The following VKORC1L1 variants were observed in gnomAD, a reference collection of about 807,000 sequenced individuals.
The protein encoded by VKORC1L1 is vitamin K epoxide reductase complex subunit 1-like protein 1.
Under a neutral mutation model 18.9 loss-of-function variants are expected in VKORC1L1, and 2 were observed. The ratio of observed to expected loss-of-function variants is 0.11; its 90% confidence interval spans 0.04 to 0.33. The LOEUF (loss-of-function observed/expected upper bound fraction) is 0.33. Ranked by LOEUF, VKORC1L1 falls within the 10% of genes least tolerant of loss-of-function variation. VKORC1L1 has a pLI of 1.00. For missense variants in VKORC1L1, 123 were observed against 224.1 expected (o/e 0.55, Z 2.88); for synonymous variants, 96 against 100.0 (o/e 0.96, Z 0.24).
At position 65,921,468 on chromosome 7, in the gene VKORC1L1, C is replaced by T. The variant is rs375841782; in HGVS notation, c.195-27203C>T. 5.3e-4 allele frequency among the ~76,000 whole-genome samples: 80 copies of T among 152,294 alleles called. 1 individual carries two copies. The highest frequency in any genetic ancestry group is 1.9e-3 in the African/African-American group (80 of 41,562). Reference sequence around the variant, plus strand: ...TGGCGAGATCATAGCTCACTGCAGCCTTGAACTCCTGGCCTCAAGCAATCT... The same window carrying T: ...TGGCGAGATCATAGCTCACTGCAGCTTTGAACTCCTGGCCTCAAGCAATCT... On this transcript the variant is annotated intron_variant, in intron 1 of 2. Coordinates refer to ENST00000360768, the MANE Select transcript of VKORC1L1 (RefSeq NM_173517.6).
In VKORC1L1 at chr7:65,948,780, GGTAA is replaced by G. The variant is rs1487794830; in HGVS notation, c.304+4_304+7del. 2 of 757,002 alleles carry G rather than the reference GGTAA, an allele frequency of 2.6e-6. No homozygotes were observed. Among genetic ancestry groups the G allele is most frequent in the Admixed American group, 3.0e-5 (1 of 33,404 alleles). The allele number at this position is 757,002 out of a possible 1,614,324, so 46.9% of individuals were successfully genotyped here. ...ATTTTATATACTACAGTTATTACTTGGTAAGTATTTATCAATACAAAAATAAGTT... is the reference window on the plus strand; with the variant it reads ...ATTTTATATACTACAGTTATTACTTGGTATTTATCAATACAAAAATAAGTT... On this transcript the variant is annotated splice_donor_variant and splice_donor_region_variant and intron_variant, in intron 2 of 2. Transcript: ENST00000360768. LOFTEE classifies it high-confidence loss of function.
At chr7:65,944,223 C>T (rs1248879048) in intron 1 of VKORC1L1, among the ~76,000 whole-genome samples, 3 of 151,968 alleles carry the variant, frequency 2.0e-5, no homozygotes, top group African/African-American at 7.2e-5. Flanking sequence ...AAAAAATTAG[C>T]CCTGCGTGGT....
chr7:65,870,730 G>A (rs1029158631), upstream of VKORC1L1, among the ~76,000 whole-genome samples: 1 of 152,176 alleles, frequency 6.6e-6, no homozygotes, highest in African/African-American at 2.4e-5. Flanking sequence ...GAAGTTGCAG[G>A]AGTCTACTTA....
chr7:65,909,972 TC>T (rs1789476600), intron 1 of VKORC1L1, among the ~76,000 whole-genome samples: 1 of 152,098 alleles, frequency 6.6e-6, no homozygotes, highest in Non-Finnish European at 1.5e-5. Context: ...CACCTCGGCC[TC>T]CCAAAGTGCT....
intron 1 of VKORC1L1, among the ~76,000 whole-genome samples, chr7:65,885,818 T>C (rs1396249880): frequency 6.6e-6 from 1 of 152,110 alleles, no homozygotes; most frequent in Non-Finnish European, 1.5e-5. Context: ...GCAAATATGC[T>C]CATTTCCAAA....
rs1789803092 is a variant in VKORC1L1 at position 65,928,430 on chromosome 7, C to A, written c.195-20241C>A. Among the ~76,000 whole-genome samples, 3 of 152,014 alleles carry A rather than the reference C, an allele frequency of 2.0e-5. No individual in the cohort carries two copies. The South Asian group carries it at 6.2e-4, about 32-fold the overall frequency. On this transcript the variant is annotated intron_variant, in intron 1 of 2. Coordinates refer to ENST00000360768, the MANE Select transcript of VKORC1L1 (RefSeq NM_173517.6). ...GTCAGGCTTTCCCCATCCCTAACTC[C>A]TGGCATGTGTTTATTCTCTACCCTC...
intron 1 of VKORC1L1, among the ~76,000 whole-genome samples, chr7:65,883,886 A>G (rs1315860919): frequency 6.6e-6 from 1 of 152,254 alleles, no homozygotes; most frequent in Non-Finnish European, 1.5e-5. Context: ...ATTACGATTC[A>G]TAAGTTTTAT....
At chr7:65,886,871 A>G (rs1174420457) in intron 1 of VKORC1L1, among the ~76,000 whole-genome samples, 29 of 75,540 alleles carry the variant, frequency 3.8e-4, no homozygotes, top group African/African-American at 1.3e-3. Flanking sequence ...TTTTTCTGAG[A>G]CAGATTGTTA....
chr7:65,885,390 G>A (rs1246497190), intron 1 of VKORC1L1, among the ~76,000 whole-genome samples: 1 of 151,336 alleles, frequency 6.6e-6, no homozygotes, highest in Non-Finnish European at 1.5e-5. Flanking sequence ...TGTTAACTTA[G>A]GTGGTCAGAT....
At position 65,875,814 on chromosome 7, in the gene VKORC1L1, T is replaced by C. The variant is rs189851957; in HGVS notation, c.194+2249T>C. ...TAGCAGTAGTACTCAAATATGTGAC[T>C]CTTTTAGGAAAAGAAAGTTTGAGCC... On this transcript the variant is annotated intron_variant, in intron 1 of 2. Coordinates refer to ENST00000360768, the MANE Select transcript of VKORC1L1 (RefSeq NM_173517.6). 5.9e-5 allele frequency among the ~76,000 whole-genome samples: 9 copies of C among 152,318 alleles called. No individual in the cohort carries two copies. In the East Asian group the frequency reaches 1.5e-3, roughly 26 times the overall value.
At chr7:65,877,810 G>A (rs1374159124) in intron 1 of VKORC1L1, among the ~76,000 whole-genome samples, 1 of 152,132 alleles carries the variant, frequency 6.6e-6, no homozygotes, top group Non-Finnish European at 1.5e-5. Flanking sequence ...TATGGTCTAT[G>A]TATAGAACAT....
intron 1 of VKORC1L1, among the ~76,000 whole-genome samples, chr7:65,939,531 AT>A (rs1478236671): frequency 2.0e-5 from 3 of 152,242 alleles, no homozygotes; most frequent in Admixed American, 6.5e-5. Context: ...TTTTGGACCT[AT>A]AAAGAGAAAA....
chr7:65,951,857 G>A (rs950023797), intron 2 of VKORC1L1, among the ~76,000 whole-genome samples: 1 of 152,050 alleles, frequency 6.6e-6, no homozygotes, highest in African/African-American at 2.4e-5. Context: ...TATATTAAAT[G>A]TCTTCATTCT....
At chr7:65,940,844 A>G (rs1790021180) in intron 1 of VKORC1L1, among the ~76,000 whole-genome samples, 1 of 152,244 alleles carries the variant, frequency 6.6e-6, no homozygotes, top group Non-Finnish European at 1.5e-5. Context: ...GATGGACAGT[A>G]TAACATGTCC....
upstream of VKORC1L1, among the ~76,000 whole-genome samples, chr7:65,871,452 C>A (rs933164702): frequency 4.6e-5 from 7 of 152,140 alleles, no homozygotes; most frequent in East Asian, 1.9e-4. Flanking sequence ...ACCTCGGCCT[C>A]CCAAAATTCT....
intron 1 of VKORC1L1, among the ~76,000 whole-genome samples, chr7:65,902,756 A>G (rs1789339503): frequency 6.6e-6 from 1 of 152,204 alleles, no homozygotes; most frequent in African/African-American, 2.4e-5. Flanking sequence ...CAGAGAAAAA[A>G]TACACATCAT....
chr7:65,912,186 G>A (rs758130792), intron 1 of VKORC1L1, among the ~76,000 whole-genome samples: 1 of 152,172 alleles, frequency 6.6e-6, no homozygotes, highest in Non-Finnish European at 1.5e-5. Flanking sequence ...ATTTTCAAAA[G>A]CTTGACAATG....
At chr7:65,908,337 C>T (rs1789440077) in intron 1 of VKORC1L1, among the ~76,000 whole-genome samples, 4 of 151,832 alleles carry the variant, frequency 2.6e-5, no homozygotes, top group Admixed American at 2.0e-4. Context: ...CGCTTGAACC[C>T]GGGAGGCAGA....
intron 2 of VKORC1L1, among the ~76,000 whole-genome samples, chr7:65,950,559 T>G (rs1790195993): frequency 6.6e-6 from 1 of 152,192 alleles, no homozygotes; most frequent in African/African-American, 2.4e-5. Context: ...GTTCCATATC[T>G]ATGTATTTAT....
Sources: allele counts gnomAD v4.1 joint callset (sites outside exome capture counted in the v4.1 genomes callset), GRCh38; gene constraint gnomAD v4.1.1; transcripts MANE v1.5; gene names NCBI Gene and HGNC (gene_info 2026-07-23, HGNC 2026-07-21).